LRRTM4: variants seen among roughly 807,000 people sequenced by gnomAD.
The protein encoded by LRRTM4 is leucine rich repeat transmembrane neuronal 4.
In LRRTM4, 25 loss-of-function variants were observed where a neutral mutation model predicts 47.6. The observed-to-expected ratio is 0.53, with a 90% CI of 0.38 to 0.73. The LOEUF is 0.73. Ranked by LOEUF, LRRTM4 falls within the 30% of genes least tolerant of loss-of-function variation. The probability of loss-of-function intolerance (pLI) is 0.00; values close to 1 mark genes in which losing one functional copy is unlikely to be tolerated. For missense variants in LRRTM4, 638 were observed against 713.4 expected (o/e 0.89, Z 1.20); for synonymous variants, 311 against 269.5 (o/e 1.15, Z -1.51).
At chr2:76,780,355 T>C (rs1274969194) in intron 3 of LRRTM4, among the ~76,000 whole-genome samples, 1 of 152,206 alleles carries the variant, frequency 6.6e-6, no homozygotes, top group Non-Finnish European at 1.5e-5. Context: ...CTGCAGAGTG[T>C]TTTCCAACTT....
intron 3 of LRRTM4, among the ~76,000 whole-genome samples, chr2:76,921,382 T>G (rs1198042919): frequency 6.6e-6 from 1 of 152,068 alleles, no homozygotes; most frequent in African/African-American, 2.4e-5. Context: ...TTGCTAATGG[T>G]GTTAATAGTT....
intron 3 of LRRTM4, among the ~76,000 whole-genome samples, chr2:77,417,410 A>G (rs1355698982): frequency 6.6e-6 from 1 of 152,138 alleles, no homozygotes; most frequent in Non-Finnish European, 1.5e-5. Context: ...CCAAAGGATT[A>G]TAAATCATGC....
At chr2:77,065,566 G>C (rs1679924322) in intron 3 of LRRTM4, among the ~76,000 whole-genome samples, 1 of 152,092 alleles carries the variant, frequency 6.6e-6, no homozygotes, top group Admixed American at 6.6e-5. Context: ...TAACAACATA[G>C]TCTAACAGAA....
At chr2:77,257,012 C>T (rs1675788308) in intron 3 of LRRTM4, among the ~76,000 whole-genome samples, 1 of 152,058 alleles carries the variant, frequency 6.6e-6, no homozygotes, top group Non-Finnish European at 1.5e-5. Flanking sequence ...ATGTAACCCA[C>T]CATATTAATA....
chr2:77,472,322 TA>T (rs1169302270), intron 3 of LRRTM4, among the ~76,000 whole-genome samples: 1 of 152,094 alleles, frequency 6.6e-6, no homozygotes, highest in African/African-American at 2.4e-5. Context: ...CAACATATAA[TA>T]AAGAAAATAT....
At chr2:77,080,216 G>T (rs1052811550) in intron 3 of LRRTM4, among the ~76,000 whole-genome samples, 9 of 152,098 alleles carry the variant, frequency 5.9e-5, no homozygotes, top group Non-Finnish European at 1.0e-4. Context: ...TTGGCTTCTA[G>T]AATTCTATGT....
At chr2:77,352,198 T>C (rs929379847) in intron 3 of LRRTM4, among the ~76,000 whole-genome samples, 1 of 152,186 alleles carries the variant, frequency 6.6e-6, no homozygotes, top group Non-Finnish European at 1.5e-5. Context: ...TTCCATTTTA[T>C]TGAATAAGAG....
Position 77,026,584 on chromosome 2 carries a change from T to A in LRRTM4, c.1552-277668A>T, listed in dbSNP as rs77048819. Reference sequence around the variant, plus strand: ...TATTTCTAAAATTTTGGTATCAGATTCCATTTTAATTTTATACCATATTTA... The same window carrying A: ...TATTTCTAAAATTTTGGTATCAGATACCATTTTAATTTTATACCATATTTA... On this transcript the variant is annotated intron_variant, in intron 3 of 3. Transcript: ENST00000409884. Among the ~76,000 whole-genome samples, 139 of 152,238 alleles carry A rather than the reference T, an allele frequency of 9.1e-4. 3 individuals are homozygous for A. The East Asian group carries it at 0.018, about 19-fold the overall frequency.
At chr2:76,894,271 A>G (rs1673341383) in intron 3 of LRRTM4, among the ~76,000 whole-genome samples, 1 of 152,044 alleles carries the variant, frequency 6.6e-6, no homozygotes, top group Admixed American at 6.6e-5. Context: ...TATGATACTT[A>G]TGCACTCATG....
intron 3 of LRRTM4, among the ~76,000 whole-genome samples, chr2:77,374,096 T>C (rs1672744765): frequency 6.6e-6 from 1 of 151,770 alleles, no homozygotes; most frequent in Non-Finnish European, 1.5e-5. Flanking sequence ...CTACCATTTC[T>C]ACTGCTGCAT....
intron 3 of LRRTM4, among the ~76,000 whole-genome samples, chr2:76,956,786 A>T (rs1675688553): frequency 6.6e-6 from 1 of 151,498 alleles, no homozygotes; most frequent in Non-Finnish European, 1.5e-5. Context: ...ACAAAAGAAA[A>T]AGGATTTCAA....
chr2:77,015,273 T>C (rs1415573868), intron 3 of LRRTM4, among the ~76,000 whole-genome samples: 1 of 152,158 alleles, frequency 6.6e-6, no homozygotes, highest in Non-Finnish European at 1.5e-5. Flanking sequence ...TCCCTTAGTA[T>C]ATATTTCCCA....
At chr2:77,271,942 GT>G (rs1265912999) in intron 3 of LRRTM4, among the ~76,000 whole-genome samples, 13 of 152,120 alleles carry the variant, frequency 8.5e-5, no homozygotes, top group Non-Finnish European at 1.9e-4. Context: ...CTTTGACTAT[GT>G]CGTGTTGTTT....
chr2:77,399,471 T>C (rs1448270441), intron 3 of LRRTM4, among the ~76,000 whole-genome samples: 17 of 151,782 alleles, frequency 1.1e-4, no homozygotes, highest in Admixed American at 1.1e-3. Context: ...TACTAGGAGC[T>C]GGTTGAGCTG....
intron 3 of LRRTM4, among the ~76,000 whole-genome samples, chr2:77,148,646 CAG>C (rs1357383704): frequency 2.6e-5 from 4 of 151,962 alleles, no homozygotes; most frequent in African/African-American, 9.7e-5. Flanking sequence ...AATTTGAAAA[CAG>C]AAATAATTTT....
chr2:77,180,912 T>G (rs1673329547), intron 3 of LRRTM4, among the ~76,000 whole-genome samples: 1 of 152,166 alleles, frequency 6.6e-6, no homozygotes, highest in Non-Finnish European at 1.5e-5. Flanking sequence ...TATACAATCT[T>G]TCAGTACACT....
intron 3 of LRRTM4, among the ~76,000 whole-genome samples, chr2:77,125,992 C>CAT (rs538126883): frequency 1.2e-3 from 187 of 150,632 alleles, no homozygotes; most frequent in African/African-American, 4.1e-3. Context: ...ACTGACCATA[C>CAT]ATATATATAT....
At chr2:77,194,118 A>G (rs1458850808) in intron 3 of LRRTM4, among the ~76,000 whole-genome samples, 1 of 152,152 alleles carries the variant, frequency 6.6e-6, no homozygotes, top group Non-Finnish European at 1.5e-5. Flanking sequence ...TGCTTGTGTC[A>G]TAAGGGCCTT....
chr2:76,948,552 G>A (rs565789742), intron 3 of LRRTM4, among the ~76,000 whole-genome samples: 4 of 151,546 alleles, frequency 2.6e-5, no homozygotes, highest in East Asian at 3.9e-4. Context: ...TCAATTTCTT[G>A]GGCTGATTAT....
Sources: allele counts gnomAD v4.1 joint callset (sites outside exome capture counted in the v4.1 genomes callset), GRCh38; gene constraint gnomAD v4.1.1; transcripts MANE v1.5; gene names NCBI Gene and HGNC (gene_info 2026-07-23, HGNC 2026-07-21).